Variants in TAFA4 observed in about 807,000 individuals in gnomAD.
The protein encoded by TAFA4 is chemokine-like protein TAFA-4.
A neutral mutation model predicts 21.1 loss-of-function variants in TAFA4; 20 were observed. The observed-to-expected ratio is 0.95, with a 90% confidence interval of 0.67 to 1.38. The LOEUF is 1.38. Among genes scored for constraint, TAFA4 ranks in the 40% most tolerant of loss-of-function variants. TAFA4 has a pLI of 0.00. For synonymous variants in TAFA4, 71 were observed against 67.4 expected (o/e 1.05, Z -0.26); for missense variants, 211 against 180.9 (o/e 1.17, Z -0.95).
At position 68,907,272 on chromosome 3, in the gene TAFA4, G is replaced by T. The variant is rs193198345; in HGVS notation, c.-122-21962C>A. Among the ~76,000 whole-genome samples the T allele has an allele frequency of 2.0e-5, 3 of 152,246 alleles. No individual in the cohort carries two copies. The East Asian group carries it at 5.8e-4, about 29-fold the overall frequency. ...CTTGTTGTCCAAAGAGAAGGTGGAG[G>T]CAAAGATATGCACCAACTGTCATTC... is the stretch of plus-strand genomic sequence containing the variant. On this transcript the variant is annotated intron_variant, in intron 1 of 5. Coordinates refer to ENST00000295569, the MANE Select transcript of TAFA4 (RefSeq NM_182522.5).
chr3:68,774,900 G>A (rs577198538), intron 3 of TAFA4, among the ~76,000 whole-genome samples: 8 of 152,180 alleles, frequency 5.3e-5, no homozygotes, highest in Non-Finnish European at 1.0e-4. Context: ...TCAAAACATA[G>A]GAGGAGGCTC....
chr3:68,777,428 A>G (rs971262678), intron 3 of TAFA4, among the ~76,000 whole-genome samples: 2 of 152,148 alleles, frequency 1.3e-5, no homozygotes, highest in Non-Finnish European at 1.5e-5. Flanking sequence ...GATACTGCAC[A>G]CTTGAAATGT....
At chr3:68,863,914 C>G (rs2089383468) in intron 3 of TAFA4, among the ~76,000 whole-genome samples, 1 of 151,926 alleles carries the variant, frequency 6.6e-6, no homozygotes, top group Non-Finnish European at 1.5e-5. Context: ...ACTTTTTTAC[C>G]TACTAAAAAT....
At chr3:68,886,772 T>A (rs551614161) in intron 1 of TAFA4, among the ~76,000 whole-genome samples, 78 of 152,354 alleles carry the variant, frequency 5.1e-4, no homozygotes, top group Admixed American at 2.1e-3. Context: ...TTTCTTGTCA[T>A]GTCTTAGTCT....
chr3:68,833,757 A>G (rs1400401625), intron 3 of TAFA4, among the ~76,000 whole-genome samples: 1 of 152,218 alleles, frequency 6.6e-6, no homozygotes, highest in Non-Finnish European at 1.5e-5. Flanking sequence ...ATAAGTTTTA[A>G]AAATGAATAA....
intron 3 of TAFA4, among the ~76,000 whole-genome samples, chr3:68,812,648 A>G (rs189182391): frequency 7.3e-4 from 111 of 152,334 alleles, no homozygotes; most frequent in African/African-American, 2.5e-3. Context: ...ATATGCACCC[A>G]ATACAGGAGC....
intron 3 of TAFA4, among the ~76,000 whole-genome samples, chr3:68,772,263 C>T (rs138389318): frequency 5.0e-4 from 76 of 152,240 alleles, no homozygotes; most frequent in African/African-American, 1.2e-3. Context: ...GCATGTGTGA[C>T]GGTTAATTTC....
intron 1 of TAFA4, among the ~76,000 whole-genome samples, chr3:68,925,400 T>G (rs2090098672): frequency 6.6e-6 from 1 of 152,206 alleles, no homozygotes; most frequent in African/African-American, 2.4e-5. Flanking sequence ...AAGATTACTA[T>G]TCCAGTGATT....
At chr3:68,886,594 T>C (rs2089674380) in intron 1 of TAFA4, among the ~76,000 whole-genome samples, 1 of 152,186 alleles carries the variant, frequency 6.6e-6, no homozygotes, top group African/African-American at 2.4e-5. Flanking sequence ...CACTGGGTAT[T>C]CTTTTTTCAA....
At chr3:68,893,116 C>T (rs1442809921) in intron 1 of TAFA4, among the ~76,000 whole-genome samples, 1 of 152,130 alleles carries the variant, frequency 6.6e-6, no homozygotes, top group Non-Finnish European at 1.5e-5. Flanking sequence ...AAATTTTCCT[C>T]TCATTTCTCA....
chr3:68,837,590 T>C (rs775817238), intron 3 of TAFA4, among the ~76,000 whole-genome samples: 27 of 152,088 alleles, frequency 1.8e-4, no homozygotes, highest in Non-Finnish European at 3.2e-4. Flanking sequence ...ATTCAATGAA[T>C]CAGAGGTGGG....
intron 1 of TAFA4, among the ~76,000 whole-genome samples, chr3:68,895,561 T>C (rs769850289): frequency 4.6e-5 from 7 of 152,156 alleles, no homozygotes; most frequent in Non-Finnish European, 8.8e-5. Flanking sequence ...AGAACTCATG[T>C]AGAGAAAAGA....
At chr3:68,822,908 C>T (rs1453570264) in intron 3 of TAFA4, among the ~76,000 whole-genome samples, 5 of 152,178 alleles carry the variant, frequency 3.3e-5, no homozygotes, top group Non-Finnish European at 7.3e-5. Flanking sequence ...GTCTGCTTTA[C>T]AAATAACATT....
chr3:68,763,026 A>G (rs539495553), intron 3 of TAFA4, among the ~76,000 whole-genome samples: 3 of 152,344 alleles, frequency 2.0e-5, no homozygotes, highest in African/African-American at 4.8e-5. Context: ...CAACAGAGCG[A>G]GACTCCTTTT....
chr3:68,796,205 G>A (rs1337492879), intron 3 of TAFA4, among the ~76,000 whole-genome samples: 1 of 151,930 alleles, frequency 6.6e-6, no homozygotes, highest in Non-Finnish European at 1.5e-5. Context: ...TGGTTGCAGT[G>A]GGCATATATA....
rs551011956 is a variant in TAFA4, at chr3:68,736,561, G to C, written c.411+2514C>G. On this transcript the variant is annotated intron_variant, in intron 5 of 5. Transcript: ENST00000295569. ...CTTACCTTTAGCTTTTCTGTGTTTT[G>C]ATGCTGCTGTGCATGAACTATTTAA... Among the ~76,000 whole-genome samples the C allele has an allele frequency of 1.1e-4, 16 of 152,158 alleles. 1 individual carries two copies. Among genetic ancestry groups the C allele is most frequent in the African/African-American group, 3.9e-4 (16 of 41,514 alleles).
chr3:68,815,055 A>C lies in TAFA4; in HGVS notation c.131-62037T>G, dbSNP rs149134259. Reference sequence around the variant, plus strand: ...CTTTGACAAACCTGACAAAAACAAGAAATGGGGAAAGGATTCTCTATTTAA... The same window carrying C: ...CTTTGACAAACCTGACAAAAACAAGCAATGGGGAAAGGATTCTCTATTTAA... On this transcript the variant is annotated intron_variant, in intron 3 of 5. Transcript: ENST00000295569. 5.9e-3 allele frequency among the ~76,000 whole-genome samples: 900 copies of C among 152,298 alleles called. 11 individuals are homozygous for C. Among genetic ancestry groups the C allele is most frequent in the African/African-American group, 0.02 (847 of 41,568 alleles).
At chr3:68,801,523 G>C (rs925740104) in intron 3 of TAFA4, among the ~76,000 whole-genome samples, 1 of 152,156 alleles carries the variant, frequency 6.6e-6, no homozygotes, top group African/African-American at 2.4e-5. Context: ...TGGTGCTTTT[G>C]CTTTTCTTAC....
rs1279821680 is a variant in TAFA4 at position 68,885,279 on chromosome 3, C to T, written c.-91G>A. 5 of 1,306,302 alleles carry T rather than the reference C, an allele frequency of 3.8e-6. No homozygotes were observed. Among genetic ancestry groups the T allele is most frequent in the African/African-American group, 1.5e-5 (1 of 66,834 alleles). 80.9% of individuals were successfully genotyped at this position (1,306,302 alleles called of 1,614,324 possible). On this transcript the variant is annotated 5_prime_UTR_variant, in exon 2 of 6. Transcript: ENST00000295569. Reference sequence around the variant, plus strand: ...CTGTTGCTAGAACCAATCATTTCTGCCGTTCCAAAAAATTATCGTAGCTCA... The same window carrying T: ...CTGTTGCTAGAACCAATCATTTCTGTCGTTCCAAAAAATTATCGTAGCTCA...
Sources: allele counts gnomAD v4.1 joint callset (sites outside exome capture counted in the v4.1 genomes callset), GRCh38; gene constraint gnomAD v4.1.1; transcripts MANE v1.5; gene names NCBI Gene and HGNC (gene_info 2026-07-23, HGNC 2026-07-21).